Variants in FOXO1 observed in about 807,000 individuals in gnomAD.
The protein encoded by FOXO1 is forkhead box O1.
A neutral mutation model predicts 44.1 loss-of-function variants in FOXO1; 6 were observed. That is an observed-to-expected ratio of 0.14 (90% confidence interval 0.07 to 0.27). The LOEUF is 0.27. Among genes scored for constraint, FOXO1 ranks in the 10% least tolerant of loss-of-function variants. The pLI is 1.00. For synonymous variants in FOXO1, 380 were observed against 362.7 expected (o/e 1.05, Z -0.54); for missense variants, 737 against 888.8 (o/e 0.83, Z 2.17).
In FOXO1 at chr13:40,559,625, G is replaced by T; in HGVS notation, c.1866C>A (p.Leu622=). The T allele has an allele frequency of 6.2e-7, 1 of 1,614,218 alleles. No individual in the cohort carries two copies. Among genetic ancestry groups the T allele is most frequent in the Non-Finnish European group, 8.5e-7 (1 of 1,180,032 alleles). Residue 622 remains leucine (L), a synonymous_variant, in exon 2 of 3, where the codon CTC becomes CTA. Transcript: ENST00000379561. The stretch of plus-strand genomic sequence containing the variant: ...TAAAATCCAATGTATCTCCATCCAT[G>T]AGGTCATTCCGAATGATGGATTCCA... ...CDMESIIRND[L]MDGDTLDFNF... is the part of the protein sequence containing the mutation.
At position 40,559,878 on chromosome 13, in the gene FOXO1, G is replaced by A. The variant is rs752387735; in HGVS notation, c.1613C>T (p.Pro538Leu). ...AQQTSAVNGR[P>L]LPHTVSTMPH... ...CATGGTGCTTACCGTGTGGGGCAGGGGACGCCCGTTAACTGCAGATGTCTG... is the reference window on the plus strand; with the variant it reads ...CATGGTGCTTACCGTGTGGGGCAGGAGACGCCCGTTAACTGCAGATGTCTG... Residue 538 changes from proline to leucine, a missense_variant, in exon 2 of 3, where the codon CCC becomes CTC. Around this residue, in one of 7 missense-constraint regions of FOXO1, gnomAD observed 283 missense variants for 278.1 expected, o/e 1.02. Coordinates refer to ENST00000379561, the MANE Select transcript of FOXO1 (RefSeq NM_002015.4). 3.1e-6 allele frequency: 5 copies of A among 1,614,050 alleles called. No individual in the cohort carries two copies. In the South Asian group the frequency reaches 3.3e-5, roughly 11 times the overall value.
At chr13:40,575,070 A>G (rs1874691404) in intron 1 of FOXO1, among the ~76,000 whole-genome samples, 1 of 152,080 alleles carries the variant, frequency 6.6e-6, no homozygotes, top group Non-Finnish European at 1.5e-5. Flanking sequence ...GTTGGCTCAC[A>G]CCGGTAATCC....
chr13:40,655,996 G>A (rs770441567), intron 1 of FOXO1, among the ~76,000 whole-genome samples: 5 of 152,058 alleles, frequency 3.3e-5, no homozygotes, highest in Non-Finnish European at 7.4e-5. Flanking sequence ...ATCTACAACT[G>A]TGCCTTCTGA....
chr13:40,569,242 CTG>C, intron 1 of FOXO1, among the ~76,000 whole-genome samples: 1 of 152,354 alleles, frequency 6.6e-6, no homozygotes, highest in Admixed American at 6.5e-5. Context: ...GGGAAGTACA[CTG>C]TGAGGCAGAA....
At chr13:40,605,256 C>A (rs1372375725) in intron 1 of FOXO1, among the ~76,000 whole-genome samples, 1 of 152,106 alleles carries the variant, frequency 6.6e-6, no homozygotes, top group Non-Finnish European at 1.5e-5. Context: ...AAATAAAATT[C>A]TTAAAATTCA....
intron 1 of FOXO1, among the ~76,000 whole-genome samples, chr13:40,566,802 T>A (rs1874286742): frequency 6.6e-6 from 1 of 152,236 alleles, no homozygotes; most frequent in South Asian, 2.1e-4. Context: ...GTGATTTTTT[T>A]AATAAAAACC....
chr13:40,569,156 T>C (rs1874384131), intron 1 of FOXO1, among the ~76,000 whole-genome samples: 1 of 152,178 alleles, frequency 6.6e-6, no homozygotes, highest in Non-Finnish European at 1.5e-5. Context: ...ATGTAGGAGA[T>C]TATGCTTGCA....
intron 1 of FOXO1, among the ~76,000 whole-genome samples, chr13:40,630,149 G>C (rs570688527): frequency 6.6e-6 from 1 of 152,184 alleles, no homozygotes; most frequent in South Asian, 2.1e-4. Flanking sequence ...CTCCAGTCCT[G>C]CCACAATGCT....
chr13:40,570,953 T>C (rs1382390873), intron 1 of FOXO1, among the ~76,000 whole-genome samples: 1 of 152,198 alleles, frequency 6.6e-6, no homozygotes, highest in Non-Finnish European at 1.5e-5. Context: ...TTTCCTTCTA[T>C]AACCCCTCTG....
chr13:40,638,337 G>C (rs555388199), intron 1 of FOXO1, among the ~76,000 whole-genome samples: 1 of 152,060 alleles, frequency 6.6e-6, no homozygotes, highest in Non-Finnish European at 1.5e-5. Context: ...GAGGAACGTT[G>C]AAGTGATGTA....
intron 1 of FOXO1, among the ~76,000 whole-genome samples, chr13:40,648,076 A>T (rs1566084632): frequency 6.6e-6 from 1 of 150,610 alleles, no homozygotes; most frequent in Non-Finnish European, 1.5e-5. Flanking sequence ...AGAAAATACA[A>T]TTTTTTTTTT....
rs1479288692 is a variant in FOXO1 at position 40,586,511 on chromosome 13, C to T, written c.631-25651G>A. On this transcript the variant is annotated intron_variant, in intron 1 of 2. Transcript: ENST00000379561. ...CCCCCTTGTGAAGCTGTTCAGCAGCCTGCACAGAAGATATGACTCTTGCAG... is the reference window on the plus strand; with the variant it reads ...CCCCCTTGTGAAGCTGTTCAGCAGCTTGCACAGAAGATATGACTCTTGCAG... 7.2e-5 allele frequency among the ~76,000 whole-genome samples: 11 copies of T among 152,146 alleles called. No homozygotes were observed. In the East Asian group the frequency reaches 2.1e-3, roughly 29 times the overall value.
chr13:40,611,557 A>G (rs1478036113), intron 1 of FOXO1, among the ~76,000 whole-genome samples: 3 of 152,208 alleles, frequency 2.0e-5, no homozygotes. Flanking sequence ...TGCAGAGGGG[A>G]ACCCTGCTAG....
intron 1 of FOXO1, among the ~76,000 whole-genome samples, chr13:40,582,967 G>A (rs1033381394): frequency 6.6e-6 from 1 of 152,058 alleles, no homozygotes; most frequent in East Asian, 1.9e-4. Flanking sequence ...AATCACTATG[G>A]CAACTTGGGC....
chr13:40,633,190 G>A (rs1877032772), intron 1 of FOXO1, among the ~76,000 whole-genome samples: 1 of 152,194 alleles, frequency 6.6e-6, no homozygotes, highest in Admixed American at 6.5e-5. Context: ...CTTTTCAGCA[G>A]TTTGACAGTT....
At chr13:40,576,666 C>T (rs1292241193) in intron 1 of FOXO1, among the ~76,000 whole-genome samples, 4 of 152,096 alleles carry the variant, frequency 2.6e-5, no homozygotes, top group Non-Finnish European at 5.9e-5. Flanking sequence ...ACAGGGTTTT[C>T]GATTCAAGCT....
In FOXO1 at chr13:40,666,555, C is replaced by T. The variant is rs1179846626; in HGVS notation, c.-343G>A. On this transcript the variant is annotated 5_prime_UTR_variant, in exon 1 of 3. Transcript: ENST00000379561. ...GCCGCGGGCCGCTTGCTCTCCCCAG[C>T]GGCGCGCCCGCTGCGCTGCTGCCTG... The T allele has an allele frequency of 4.2e-5, 10 of 240,958 alleles. No homozygotes were observed. Among genetic ancestry groups the T allele is most frequent in the Non-Finnish European group, 8.0e-5 (10 of 124,268 alleles). The allele number at this position is 240,958 out of a possible 1,614,324, so 14.9% of individuals were successfully genotyped here. A position where few individuals can be genotyped will look rare whatever the true frequency, so the allele number is the denominator to read the frequency against.
At chr13:40,616,595 TG>T (rs1876432124) in intron 1 of FOXO1, among the ~76,000 whole-genome samples, 2 of 151,854 alleles carry the variant, frequency 1.3e-5, no homozygotes, top group Non-Finnish European at 2.9e-5. Flanking sequence ...GCAGCGGGAG[TG>T]GCCTGAAAAG....
intron 1 of FOXO1, chr13:40,562,712 A>G (rs1314922206): frequency 1.3e-5 from 2 of 152,320 alleles, no homozygotes; most frequent in Non-Finnish European, 2.9e-5. Flanking sequence ...TATATGGTGA[A>G]AGGGGCCAGA....
Sources: gnomAD v4.1 joint callset for allele counts (sites outside exome capture counted in the v4.1 genomes callset) on GRCh38, gnomAD v4.1.1 for gene constraint, gnomAD v4.1.1 regional missense constraint, MANE v1.5 for transcripts, NCBI Gene and HGNC (gene_info 2026-07-23, HGNC 2026-07-21) for gene names.